ZNF91: variants seen among roughly 807,000 people sequenced by gnomAD.
The protein encoded by ZNF91 is zinc finger protein 91 (HPF7, HTF10).
In ZNF91, 7 loss-of-function variants were observed where a neutral mutation model predicts 12.6. That is an observed-to-expected ratio of 0.55 (90% CI 0.31 to 1.04). ZNF91 has a LOEUF of 1.04. ZNF91 is among the 50% of genes least tolerant of loss of function. The pLI is 0.05. For synonymous variants in ZNF91, 453 were observed against 462.6 expected (o/e 0.98, Z 0.27); for missense variants, 1,217 against 1,385.4 (o/e 0.88, Z 1.93).
At chr19:23,328,485 GAA>G (rs927861861) in intron 1 of ZNF91, 1 of 152,192 alleles carries the variant, frequency 6.6e-6, no homozygotes, top group African/African-American at 2.4e-5. Flanking sequence ...TCTGGAAGAA[GAA>G]AAGACACTGA....
intron 1 of ZNF91, among the ~76,000 whole-genome samples, chr19:23,319,744 T>G (rs1260242076): frequency 6.6e-6 from 1 of 152,206 alleles, no homozygotes; most frequent in Admixed American, 6.5e-5. Context: ...CAGAAGATTG[T>G]GACATATATC....
downstream of ZNF91, among the ~76,000 whole-genome samples, chr19:23,335,190 C>T (rs938185023): frequency 2.6e-5 from 4 of 152,138 alleles, no homozygotes; most frequent in East Asian, 1.9e-4. Flanking sequence ...CTGGAAGCTT[C>T]GTCTCAGAGG....
intron 1 of ZNF91, among the ~76,000 whole-genome samples, chr19:23,393,954 C>T (rs891086306): frequency 6.6e-6 from 1 of 152,058 alleles, no homozygotes; most frequent in African/African-American, 2.4e-5. Context: ...GAGCCTAGTG[C>T]GTCACTGCAC....
chr19:23,385,044 G>T, intron 1 of ZNF91: 1 of 1,188,852 alleles, frequency 8.4e-7, no homozygotes, highest in South Asian at 1.2e-5. Flanking sequence ...ACACCTCATG[G>T]GGCTCCAGCG....
At chr19:23,339,228 T>C (rs2145879840) in intron 3 of ZNF91, 1 of 152,146 alleles carries the variant, frequency 6.6e-6, no homozygotes, top group East Asian at 1.9e-4. Context: ...TATCTATACT[T>C]ACATCAAATA....
At chr19:23,367,196 G>A (rs1459316650) in intron 3 of ZNF91, among the ~76,000 whole-genome samples, 1 of 152,184 alleles carries the variant, frequency 6.6e-6, no homozygotes, top group Non-Finnish European at 1.5e-5. Context: ...AGAGACTTAG[G>A]TGGAAAGATA....
At chr19:23,371,500 C>T (rs1425943996) in intron 3 of ZNF91, among the ~76,000 whole-genome samples, 2 of 151,656 alleles carry the variant, frequency 1.3e-5, no homozygotes, top group Admixed American at 6.6e-5. Context: ...AAATCCCACA[C>T]TGACTTAAAG....
chr19:23,335,666 C>A (rs556834746), downstream of ZNF91, among the ~76,000 whole-genome samples: 3 of 152,188 alleles, frequency 2.0e-5, no homozygotes, highest in African/African-American at 4.8e-5. Context: ...TTGCTAAGAC[C>A]GTTGGAAAAG....
At position 23,362,253 on chromosome 19, in the gene ZNF91, T is replaced by C. The variant is rs745353007; in HGVS notation, c.726A>G (p.Glu242=). 2.5e-6 allele frequency: 4 copies of C among 1,614,020 alleles called. No homozygotes were observed. In the Admixed American group the frequency reaches 5.0e-5, roughly 20 times the overall value. The stretch of plus-strand genomic sequence containing the variant: ...AGAGCTGCTTAAAAGCTTTGCCACA[T>C]TCTTCACATTTGTAGGGTTTATCTT... ...HTEDKPYKCE[E]CGKAFKQLST... is the part of the protein sequence containing the mutation. The change falls in exon 4 of 4, where the codon GAA becomes GAG. Residue 242 remains glutamate, a synonymous_variant. Transcript: ENST00000300619.
chr19:23,388,424 C>T (rs1461765406), intron 1 of ZNF91, among the ~76,000 whole-genome samples: 2 of 152,082 alleles, frequency 1.3e-5, no homozygotes, highest in Non-Finnish European at 2.9e-5. Flanking sequence ...CCAAAGTAAA[C>T]ATAAGCAAAA....
chr19:23,384,624 C>G, intron 1 of ZNF91: 1 of 804,200 alleles, frequency 1.2e-6, no homozygotes, highest in Non-Finnish European at 1.8e-6. Flanking sequence ...TATCATCAGT[C>G]CCCCTCTTGG....
At chr19:23,382,370 G>A (rs1045614451) in intron 1 of ZNF91, among the ~76,000 whole-genome samples, 1 of 152,112 alleles carries the variant, frequency 6.6e-6, no homozygotes, top group Non-Finnish European at 1.5e-5. Context: ...CATAGGTTCA[G>A]ATGAATAAAG....
intron 3 of ZNF91, among the ~76,000 whole-genome samples, chr19:23,368,558 C>CTATATATATATATA (rs1392705570): frequency 1.6e-5 from 2 of 121,870 alleles, no homozygotes; most frequent in African/African-American, 6.5e-5. Flanking sequence ...CTCTCTCTCT[C>CTATATATATATATA]TCTCTATATA....
chr19:23,347,307 C>CA (rs1420019495), intron 3 of ZNF91, among the ~76,000 whole-genome samples: 1 of 151,886 alleles, frequency 6.6e-6, no homozygotes. Context: ...TTCCTAACTG[C>CA]AAAAAAACAC....
chr19:23,385,411 T>C (rs1412198325), intron 1 of ZNF91: 2 of 291,878 alleles, frequency 6.9e-6, no homozygotes, highest in Non-Finnish European at 1.2e-5. Flanking sequence ...TTTTCTAAAA[T>C]AATATTCTTA....
At chr19:23,339,053 G>A (rs555517797) in exon 4 of ZNF91, 4 of 137,526 alleles carry the variant, frequency 2.9e-5, no homozygotes, top group East Asian at 4.0e-4. Flanking sequence ...GCAAGACTCC[G>A]TCTCAAAAAA....
chr19:23,331,840 T>C (rs901087579), intron 1 of ZNF91, among the ~76,000 whole-genome samples: 5 of 152,236 alleles, frequency 3.3e-5, no homozygotes, highest in Admixed American at 1.3e-4. Context: ...GAGATTATTA[T>C]TTATTTCATT....
chr19:23,310,122 T>C (rs991522092), intron 1 of ZNF91, among the ~76,000 whole-genome samples: 3 of 151,862 alleles, frequency 2.0e-5, no homozygotes, highest in Admixed American at 2.0e-4. Flanking sequence ...ACAGACACTA[T>C]CATGAGTCCA....
Position 23,385,296 on chromosome 19 carries a change from G to A in ZNF91, c.30+10029C>T, listed in dbSNP as rs1475699479. 4.4e-5 allele frequency: 21 copies of A among 474,910 alleles called. No individual in the cohort carries two copies. The East Asian group carries it at 6.7e-4, about 15-fold the overall frequency. 29.4% of individuals were successfully genotyped at this position (474,910 alleles called of 1,614,324 possible). A position where few individuals can be genotyped will look rare whatever the true frequency, so the allele number is the denominator to read the frequency against. ...ATGTCACGGAAAAAAATAAGTAACAGGATGCGAACTTATTTCCTTTGGGGT... is the reference window on the plus strand; with the variant it reads ...ATGTCACGGAAAAAAATAAGTAACAAGATGCGAACTTATTTCCTTTGGGGT... On this transcript the variant is annotated intron_variant, in intron 1 of 3. Transcript: ENST00000300619.
Sources: allele counts gnomAD v4.1 joint callset (sites outside exome capture counted in the v4.1 genomes callset), GRCh38; gene constraint gnomAD v4.1.1; transcripts MANE v1.5; gene names NCBI Gene and HGNC (gene_info 2026-07-23, HGNC 2026-07-21).